Variants in CDADC1 observed in about 807,000 individuals in gnomAD.
CDADC1 encodes the protein dCTP deaminase.
A neutral mutation model predicts 54.9 loss-of-function variants in CDADC1; 39 were observed. The ratio of observed to expected loss-of-function variants is 0.71; its 90% CI spans 0.55 to 0.93. The LOEUF is 0.93. CDADC1 is among the 40% of genes least tolerant of loss of function. The probability of loss-of-function intolerance (pLI) is 0.00; values close to 1 mark genes in which losing one functional copy is unlikely to be tolerated. For missense variants in CDADC1, 518 were observed against 618.8 expected (o/e 0.84, Z 1.73); for synonymous variants, 186 against 204.0 (o/e 0.91, Z 0.75).
At position 49,247,956 on chromosome 13, in the gene CDADC1, A is replaced by T. The variant is rs1439804991; in HGVS notation, c.-82A>T. On this transcript the variant is annotated 5_prime_UTR_variant, in exon 1 of 10. Transcript: ENST00000251108. ...CCGTTGCCTTACAGTTGCTGAGAGG[A>T]GGCGAGAGGCGGGGGCGCTAGGGCC... The T allele has an allele frequency of 4.0e-6, 5 of 1,265,316 alleles. No individual in the cohort carries two copies. The highest frequency in any genetic ancestry group is 2.0e-5 in the Admixed American group (1 of 50,420). 78.4% of individuals were successfully genotyped at this position (1,265,316 alleles called of 1,614,324 possible).
At chr13:49,275,726 TAGAGAGAGAGAGAGAGAGAG>T (rs1163125791) in intron 6 of CDADC1, among the ~76,000 whole-genome samples, 208 of 17,836 alleles carry the variant, frequency 0.012, 5 homozygotes, top group African/African-American at 0.02. Flanking sequence ...TATATATATA[TAGAGAGAGAGAGAGAGAGAG>T]AGAGAGAGAG....
chr13:49,280,664 G>A lies in CDADC1; in HGVS notation c.1376G>A (p.Arg459Lys), dbSNP rs1485198790. The A allele has an allele frequency of 1.9e-6, 3 of 1,586,640 alleles. No individual in the cohort carries two copies. The African/African-American group carries it at 4.1e-5, about 22-fold the overall frequency. ...AAGAAGGCAGACATCTCTTACATGAGGTTCGGGGAGCTTGAAGGTGTTAGC... is the reference window on the plus strand; with the variant it reads ...AAGAAGGCAGACATCTCTTACATGAAGTTCGGGGAGCTTGAAGGTGTTAGC... ...GKKKADISYMRFGELEGVSKF... is the reference protein window; with the variant it reads ...GKKKADISYMKFGELEGVSKF... The change falls in exon 8 of 10, where the codon AGG (arginine) becomes AAG (lysine). Residue 459 changes from arginine to lysine, a missense_variant. By Grantham distance (26) the Arg-to-Lys change is conservative (BLOSUM62 2). Transcript: ENST00000251108.
chr13:49,278,482 T>A lies in CDADC1; in HGVS notation c.1183T>A (p.Tyr395Asn). Residue 395 changes from tyrosine (Y) to asparagine (N), a missense_variant, in exon 7 of 10, where the codon TAC becomes AAC. Physicochemically the swap from Tyr to Asn is moderately radical, Grantham distance 143 (BLOSUM62 -2). Transcript: ENST00000251108. ...AGACAGAGAAATAAGGAAATTCAGA[T>A]ACATCATACATGCGGAACAGAATGC... The part of the protein sequence containing the change: ...QKDREIRKFR[Y>N]IIHAEQNALT... 1 of 1,589,324 alleles carries A rather than the reference T, an allele frequency of 6.3e-7. No individual in the cohort carries two copies. The highest frequency in any genetic ancestry group is 8.6e-7 in the Non-Finnish European group (1 of 1,161,932).
At chr13:49,284,863 C>A (rs1953460317) in intron 8 of CDADC1, among the ~76,000 whole-genome samples, 1 of 152,134 alleles carries the variant, frequency 6.6e-6, no homozygotes, top group Non-Finnish European at 1.5e-5. Context: ...GAGATGGTGC[C>A]CTAGCAGGGC....
At chr13:49,257,231 G>A (rs1393713398) in intron 3 of CDADC1, among the ~76,000 whole-genome samples, 1 of 152,176 alleles carries the variant, frequency 6.6e-6, no homozygotes. Context: ...AGACAAAAAA[G>A]TGATAAATAA....
chr13:49,248,363 C>A (rs1334455215), intron 1 of CDADC1: 3 of 459,256 alleles, frequency 6.5e-6, no homozygotes, highest in Non-Finnish European at 7.8e-6. Flanking sequence ...AGAGCTGGGG[C>A]CTCTGAGGTC....
chr13:49,258,048 A>G (rs1952589572), intron 3 of CDADC1, among the ~76,000 whole-genome samples: 1 of 152,234 alleles, frequency 6.6e-6, no homozygotes, highest in African/African-American at 2.4e-5. Flanking sequence ...GTATTCCTTT[A>G]TAAATGTCCT....
chr13:49,268,319 T>C (rs1952875244), intron 5 of CDADC1, among the ~76,000 whole-genome samples: 1 of 151,960 alleles, frequency 6.6e-6, no homozygotes, highest in South Asian at 2.1e-4. Context: ...GCTTCTTGCT[T>C]TTATGATTTC....
chr13:49,260,788 G>A (rs1339495035), intron 4 of CDADC1, among the ~76,000 whole-genome samples: 1 of 151,942 alleles, frequency 6.6e-6, no homozygotes, highest in South Asian at 2.1e-4. Context: ...GTTATTTGGG[G>A]GCCAAAATAA....
chr13:49,248,850 T>G (rs1483939842), intron 1 of CDADC1, 21 bp from the exon 2 acceptor site: 1 of 1,457,516 alleles, frequency 6.9e-7, no homozygotes, highest in Admixed American at 1.7e-5. Context: ...AAGTTTAAAG[T>G]GTTTGTCGTC....
At chr13:49,250,833 CATT>C (rs1394471561) in intron 2 of CDADC1, among the ~76,000 whole-genome samples, 1 of 152,114 alleles carries the variant, frequency 6.6e-6, no homozygotes, top group African/African-American at 2.4e-5. Context: ...GATAGTAAAA[CATT>C]ATTTAAAATA....
intron 5 of CDADC1, 142 bp downstream of exon 5, chr13:49,268,201 C>A: frequency 3.0e-6 from 2 of 669,458 alleles, no homozygotes; most frequent in East Asian, 2.7e-5. Flanking sequence ...GTTAGTGAGA[C>A]CCTTGAGTAG....
In CDADC1 at chr13:49,272,743, C is replaced by T. The variant is rs1411386621; in HGVS notation, c.1001-1548C>T. On this transcript the variant is annotated intron_variant, in intron 5 of 9. Coordinates refer to ENST00000251108, the MANE Select transcript of CDADC1 (RefSeq NM_030911.4). The stretch of plus-strand genomic sequence containing the variant: ...TACGATCTCAACTCACTGCAACCTC[C>T]GCCTCCCAGGTTTAAGCAATTCTCC... 2.6e-5 allele frequency among the ~76,000 whole-genome samples: 4 copies of T among 151,486 alleles called. No homozygotes were observed. In the East Asian group the frequency reaches 5.8e-4, roughly 22 times the overall value.
At chr13:49,260,781 A>G (rs1952665005) in intron 4 of CDADC1, among the ~76,000 whole-genome samples, 1 of 152,218 alleles carries the variant, frequency 6.6e-6, no homozygotes, top group Non-Finnish European at 1.5e-5. Flanking sequence ...TCGAGGTGTT[A>G]TTTGGGGGCC....
intron 2 of CDADC1, among the ~76,000 whole-genome samples, chr13:49,254,598 T>G (rs1185265142): frequency 3.9e-5 from 6 of 152,108 alleles, no homozygotes; most frequent in Non-Finnish European, 5.9e-5. Flanking sequence ...AGACAGGGTT[T>G]CACTATGTTG....
intron 3 of CDADC1, 34 bp downstream of exon 3, chr13:49,255,947 TAATAAC>T: frequency 1.3e-6 from 2 of 1,594,428 alleles, no homozygotes; most frequent in Non-Finnish European, 1.7e-6. Context: ...TATATGCTCA[TAATAAC>T]AAAGCAAAAG....
chr13:49,251,031 T>C (rs1952417284), intron 2 of CDADC1, among the ~76,000 whole-genome samples: 1 of 152,128 alleles, frequency 6.6e-6, no homozygotes, highest in Admixed American at 6.5e-5. Context: ...TTTTATGTAG[T>C]GTTGTGTTTT....
At chr13:49,267,405 T>C (rs1952840159) in intron 4 of CDADC1, 85 bp from the exon 5 acceptor site, 2 of 1,069,280 alleles carry the variant, frequency 1.9e-6, no homozygotes, top group South Asian at 1.6e-5. Flanking sequence ...GTTCTAGATA[T>C]ACTGCAATGA....
Position 49,291,785 on chromosome 13 carries a change from C to A in CDADC1, c.*28C>A. ...AGGCCTGTCTACACTGCAGGGGAAC[C>A]TCAAGAACTTTTCATTGCACTTCTA... On this transcript the variant is annotated 3_prime_UTR_variant, in exon 10 of 10. Coordinates refer to ENST00000251108, the MANE Select transcript of CDADC1 (RefSeq NM_030911.4). 6.3e-7 allele frequency: 1 copy of A among 1,597,908 alleles called. No individual in the cohort carries two copies.
Sources: allele counts gnomAD v4.1 joint callset (sites outside exome capture counted in the v4.1 genomes callset), GRCh38; gene constraint gnomAD v4.1.1; transcripts MANE v1.5; gene names NCBI Gene and HGNC (gene_info 2026-07-23, HGNC 2026-07-21).